GLS: variants seen among roughly 807,000 people sequenced by gnomAD.
The protein encoded by GLS is glutaminase.
A neutral mutation model predicts 86.7 loss-of-function variants in GLS; 36 were observed. The ratio of observed to expected loss-of-function variants is 0.42; its 90% CI spans 0.32 to 0.55. The LOEUF (loss-of-function observed/expected upper bound fraction) is 0.55. Ranked by LOEUF, GLS falls within the 20% of genes least tolerant of loss-of-function variation. The pLI, the probability that GLS is intolerant of heterozygous loss-of-function variation, is 0.17. For missense variants in GLS, 528 were observed against 833.4 expected, an observed-to-expected ratio of 0.63 and a Z score of 4.51; for synonymous variants, 317 against 305.9, an observed-to-expected ratio of 1.04 and a Z score of -0.38.
intron 9 of GLS, among the ~76,000 whole-genome samples, chr2:190,923,113 TTACAG>T: frequency 6.6e-6 from 1 of 152,324 alleles, no homozygotes; most frequent in East Asian, 1.9e-4. Flanking sequence ...GTAGCTCTCA[TTACAG>T]TATTCTCTTA....
chr2:190,923,886 A>C lies in GLS; in HGVS notation c.1131-31A>C, dbSNP rs769552258. ...ACAATCACACTTTTAAAGAAAGTAC[A>C]TAGAGCAAATGTTTTTTTTTCTTCT... On this transcript the variant is annotated intron_variant, in intron 9 of 17. Coordinates refer to ENST00000320717, the MANE Select transcript of GLS (RefSeq NM_014905.5). 5 of 1,379,232 alleles carry C rather than the reference A, an allele frequency of 3.6e-6. 1 individual carries two copies. Among genetic ancestry groups the C allele is most frequent in the South Asian group, 2.5e-5 (2 of 81,388 alleles). 85.4% of individuals were successfully genotyped at this position (1,379,232 alleles called of 1,614,324 possible). A position where few individuals can be genotyped will look rare whatever the true frequency, so the allele number is the denominator to read the frequency against.
At position 190,920,289 on chromosome 2, in the gene GLS, A is replaced by G. The variant is rs1689689575; in HGVS notation, c.1039-735A>G. 1 of 151,910 alleles carries G rather than the reference A, an allele frequency of 6.6e-6. No individual in the cohort carries two copies. The highest frequency in any genetic ancestry group is 1.5e-5 in the Non-Finnish European group (1 of 67,784). 9.4% of individuals were successfully genotyped at this position (151,910 alleles called of 1,614,324 possible). A position where few individuals can be genotyped will look rare whatever the true frequency, so the allele number is the denominator to read the frequency against. On this transcript the variant is annotated intron_variant, in intron 7 of 17. Coordinates refer to ENST00000320717, the MANE Select transcript of GLS (RefSeq NM_014905.5). This position sits in a 1 kb window ranked among gnomAD's most constrained non-coding sequence, Gnocchi z 4.2. ...TTGGCTACTTGAACTGATCTACATT[A>G]CATAGATTTTTCCTATTGACATTTG...
At chr2:190,959,535 G>T (rs528056682) in intron 17 of GLS, among the ~76,000 whole-genome samples, 1 of 152,238 alleles carries the variant, frequency 6.6e-6, no homozygotes, top group Non-Finnish European at 1.5e-5. Flanking sequence ...TTACAATTTT[G>T]TATGTTTTTG....
chr2:190,916,904 T>C (rs1426258627), intron 7 of GLS, among the ~76,000 whole-genome samples: 1 of 152,206 alleles, frequency 6.6e-6, no homozygotes, highest in Non-Finnish European at 1.5e-5. Context: ...TAAGAAATGC[T>C]AAGGATCATC....
chr2:190,923,702 T>C (rs1689816551), intron 9 of GLS, among the ~76,000 whole-genome samples: 1 of 152,208 alleles, frequency 6.6e-6, no homozygotes, highest in Admixed American at 6.5e-5. Context: ...TTTCAGTCAT[T>C]TTATAGCCAA....
intron 7 of GLS, among the ~76,000 whole-genome samples, chr2:190,911,762 G>A (rs1218682379): frequency 3.9e-5 from 6 of 152,028 alleles, no homozygotes; most frequent in African/African-American, 1.2e-4. Flanking sequence ...AACACCAAAA[G>A]TGTTTCTTCC....
chr2:190,945,525 T>G (rs557114844), intron 14 of GLS, among the ~76,000 whole-genome samples: 2 of 151,782 alleles, frequency 1.3e-5, no homozygotes, highest in Admixed American at 1.3e-4. Flanking sequence ...ATCATCCAGG[T>G]TTGGTGGCAC....
chr2:190,887,837 G>C (rs1688437818), intron 1 of GLS, among the ~76,000 whole-genome samples: 1 of 152,120 alleles, frequency 6.6e-6, no homozygotes, highest in African/African-American at 2.4e-5. Context: ...ATTCATATGA[G>C]GGTCTCTTAT....
At chr2:190,945,494 C>T (rs1392876702) in intron 14 of GLS, among the ~76,000 whole-genome samples, 1 of 151,274 alleles carries the variant, frequency 6.6e-6, no homozygotes, top group Admixed American at 6.6e-5. Context: ...GACCCCGTCT[C>T]TACAAAAAAA....
intron 1 of GLS, among the ~76,000 whole-genome samples, chr2:190,887,060 T>C (rs1688407453): frequency 6.6e-6 from 1 of 152,244 alleles, no homozygotes; most frequent in Admixed American, 6.5e-5. Flanking sequence ...TGTTAAATCC[T>C]ATATAAATTA....
At chr2:190,927,024 C>A in intron 11 of GLS, 1 of 262,238 alleles carries the variant, frequency 3.8e-6, no homozygotes. Context: ...ATTTGAATAT[C>A]ACATGGGATA....
chr2:190,901,725 TAG>T (rs1688946365), intron 4 of GLS, among the ~76,000 whole-genome samples: 2 of 151,970 alleles, frequency 1.3e-5, no homozygotes, highest in South Asian at 4.2e-4. Context: ...TAAGAAATAA[TAG>T]AGACTGAGAA....
chr2:190,898,812 G>A (rs1574570484), intron 3 of GLS, among the ~76,000 whole-genome samples: 1 of 152,206 alleles, frequency 6.6e-6, no homozygotes, highest in East Asian at 1.9e-4. Flanking sequence ...TGTATTTTTA[G>A]TAGAGACAGG....
chr2:190,958,476 G>T (rs2124955304), intron 17 of GLS, among the ~76,000 whole-genome samples: 1 of 152,080 alleles, frequency 6.6e-6, no homozygotes, highest in Middle Eastern at 3.4e-3. Flanking sequence ...GAATTTGTTT[G>T]CTCTTGTTTC....
rs538108636 is a variant in GLS, at chr2:190,902,502, A to G, written c.815+476A>G. On this transcript the variant is annotated intron_variant, in intron 5 of 17. Coordinates refer to ENST00000320717, the MANE Select transcript of GLS (RefSeq NM_014905.5). Reference sequence around the variant, plus strand: ...TCAGTTGCAAAACATGTAGGATTTCATGAAGTCCATGAAAGCAGCATTTGG... The same window carrying G: ...TCAGTTGCAAAACATGTAGGATTTCGTGAAGTCCATGAAAGCAGCATTTGG... Among the ~76,000 whole-genome samples, 7 of 152,314 alleles carry G rather than the reference A, an allele frequency of 4.6e-5. No individual in the cohort carries two copies. The South Asian group carries it at 1.5e-3, about 32-fold the overall frequency.
rs1048895517 is a variant in GLS, at chr2:190,949,459, T to C, written c.1651-4106T>C. 6.6e-6 allele frequency among the ~76,000 whole-genome samples: 1 copy of C among 152,088 alleles called. No homozygotes were observed. Among genetic ancestry groups the C allele is most frequent in the Non-Finnish European group, 1.5e-5 (1 of 68,006 alleles). ...CTGTAATCCCTACACTTTGGGAGGC[T>C]GAGGCAGGCAGATCGCTTGAGGTCG... On this transcript the variant is annotated intron_variant, in intron 14 of 17. Coordinates refer to ENST00000320717, the MANE Select transcript of GLS (RefSeq NM_014905.5). The surrounding 1 kb of genome is among the most constrained non-coding windows in gnomAD (Gnocchi z 4.0).
At chr2:190,890,498 C>T (rs1427657528) in intron 1 of GLS, among the ~76,000 whole-genome samples, 4 of 152,228 alleles carry the variant, frequency 2.6e-5, no homozygotes, top group Non-Finnish European at 5.9e-5. Flanking sequence ...CAATGATTAG[C>T]CTTGGGGCAA....
Position 190,880,939 on chromosome 2 carries a change from G to T in GLS, c.-146G>T. 1.9e-6 allele frequency: 2 copies of T among 1,032,806 alleles called. No individual in the cohort carries two copies. The highest frequency in any genetic ancestry group is 2.9e-6 in the Non-Finnish European group (2 of 699,090). The allele number at this position is 1,032,806 out of a possible 1,614,324, so 64.0% of individuals were successfully genotyped here. A position where few individuals can be genotyped will look rare whatever the true frequency, so the allele number is the denominator to read the frequency against. Reference sequence around the variant, plus strand: ...AGCAGCACCCGCATCCGCTGCGGGAGTCCGAGCCGGAACCACACCCAAGTA... The same window carrying T: ...AGCAGCACCCGCATCCGCTGCGGGATTCCGAGCCGGAACCACACCCAAGTA... On this transcript the variant is annotated 5_prime_UTR_variant, in exon 1 of 18. Transcript: ENST00000320717.
intron 5 of GLS, among the ~76,000 whole-genome samples, chr2:190,903,139 T>C (rs1389970371): frequency 6.6e-6 from 1 of 152,236 alleles, no homozygotes; most frequent in Non-Finnish European, 1.5e-5. Context: ...AGTGCTGGGA[T>C]TATAGGCATG....
Sources: gnomAD v4.1 joint callset for allele counts (sites outside exome capture counted in the v4.1 genomes callset) on GRCh38, gnomAD v4.1.1 for gene constraint, Gnocchi (gnomAD v3.1) non-coding constraint, MANE v1.5 for transcripts, NCBI Gene and HGNC (gene_info 2026-07-23, HGNC 2026-07-21) for gene names.